ASIC2: variants seen among roughly 807,000 people sequenced by gnomAD.
The protein encoded by ASIC2 is acid sensing ion channel subunit 2, also known as acid-sensing ion channel 2.
ASIC2 carries 25 observed loss-of-function variants against 57.3 expected under a neutral mutation model. The observed-to-expected ratio is 0.44, with a 90% CI of 0.32 to 0.61. ASIC2 has a LOEUF of 0.61. Ranked by LOEUF, ASIC2 falls within the 20% of genes least tolerant of loss-of-function variation. ASIC2 has a pLI of 0.06. For synonymous variants in ASIC2, 319 were observed against 307.5 expected, an observed-to-expected ratio of 1.04 and a Z score of -0.39; for missense variants, 641 against 738.1, an observed-to-expected ratio of 0.87 and a Z score of 1.52.
At chr17:33,495,935 G>C (rs141763995) in intron 1 of ASIC2, among the ~76,000 whole-genome samples, 1 of 152,162 alleles carries the variant, frequency 6.6e-6, no homozygotes, top group Non-Finnish European at 1.5e-5. Flanking sequence ...GAAAAGCACC[G>C]ACAAAGGCCC....
intron 1 of ASIC2, among the ~76,000 whole-genome samples, chr17:34,153,583 C>T (rs114818955): frequency 0.025 from 3,808 of 152,314 alleles, 170 homozygotes; most frequent in African/African-American, 0.086. Flanking sequence ...CTAGTAAAGG[C>T]TCAGCATTGC....
intron 1 of ASIC2, among the ~76,000 whole-genome samples, chr17:33,698,468 A>G (rs1908597721): frequency 6.6e-6 from 1 of 152,202 alleles, no homozygotes; most frequent in Non-Finnish European, 1.5e-5. Flanking sequence ...TTGTTGACCA[A>G]GGTGGAAGCT....
intron 1 of ASIC2, among the ~76,000 whole-genome samples, chr17:33,992,548 G>A (rs1409449659): frequency 1.3e-5 from 2 of 151,992 alleles, no homozygotes; most frequent in East Asian, 3.9e-4. Flanking sequence ...AAGGGTGCGG[G>A]GTGAATTCAC....
intron 1 of ASIC2, among the ~76,000 whole-genome samples, chr17:33,839,512 GT>G (rs1874972861): frequency 6.6e-6 from 1 of 151,978 alleles, no homozygotes; most frequent in Non-Finnish European, 1.5e-5. Flanking sequence ...ACTCTGATAT[GT>G]AATTCTGGGG....
chr17:34,061,033 A>G (rs1019032980), intron 1 of ASIC2, among the ~76,000 whole-genome samples: 2 of 152,210 alleles, frequency 1.3e-5, no homozygotes, highest in Non-Finnish European at 2.9e-5. Context: ...ATCTTCGCCT[A>G]GGCACATTGT....
At chr17:33,608,488 A>C (rs1905293161) in intron 1 of ASIC2, among the ~76,000 whole-genome samples, 1 of 152,140 alleles carries the variant, frequency 6.6e-6, no homozygotes, top group African/African-American at 2.4e-5. Context: ...GGGTGAACTC[A>C]GTTCTGGCCA....
Position 33,878,369 on chromosome 17 carries a change from G to T in ASIC2, c.555+277609C>A, listed in dbSNP as rs2141937441. Among the ~76,000 whole-genome samples the T allele has an allele frequency of 2.0e-5, 3 of 152,224 alleles. No homozygotes were observed. In the South Asian group the frequency reaches 6.2e-4, roughly 32 times the overall value. ...AAGTTAAAAACCTTGAAAAAAATTA[G>T]ACAAATGGCTAACTGGAATAACTAA... On this transcript the variant is annotated intron_variant, in intron 1 of 9. Transcript: ENST00000359872.
intron 1 of ASIC2, among the ~76,000 whole-genome samples, chr17:33,322,458 A>G (rs572293137): frequency 3.9e-5 from 6 of 152,180 alleles, no homozygotes; most frequent in Non-Finnish European, 8.8e-5. Context: ...GCATGCTTCT[A>G]TTAAGTGCCT....
intron 1 of ASIC2, among the ~76,000 whole-genome samples, chr17:33,710,350 A>C (rs538354665): frequency 2.6e-5 from 4 of 152,176 alleles, no homozygotes; most frequent in African/African-American, 9.6e-5. Flanking sequence ...TCCCACACAC[A>C]CAAAGAAAAA....
intron 1 of ASIC2, among the ~76,000 whole-genome samples, chr17:33,743,180 T>A (rs2142099158): frequency 6.6e-6 from 1 of 152,362 alleles, no homozygotes. Flanking sequence ...GAAACTACTT[T>A]TAAAAAAATC....
rs368118476 is a variant in ASIC2, at chr17:33,075,970, C to G, written c.987+12893G>C. 1.0e-3 allele frequency among the ~76,000 whole-genome samples: 157 copies of G among 152,256 alleles called. 5 individuals are homozygous for G. In the South Asian group the frequency reaches 0.031, roughly 30 times the overall value. On this transcript the variant is annotated intron_variant, in intron 3 of 9. Transcript: ENST00000225823. ...GGAACAGTTAAAAACGGCTGTCAAT[C>G]TAATGCAACTAATCAATCCAATTCA...
At chr17:33,555,128 A>C (rs1028467068) in intron 1 of ASIC2, among the ~76,000 whole-genome samples, 4 of 152,124 alleles carry the variant, frequency 2.6e-5, no homozygotes, top group African/African-American at 7.2e-5. Context: ...CAATGGTCAG[A>C]TGTCTCAGAA....
chr17:33,255,028 CTTTTTTTTTT>C lies in ASIC2; in HGVS notation c.708+36370_708+36379del, dbSNP rs1173076413. Among the ~76,000 whole-genome samples, 5 of 73,986 alleles carry C rather than the reference CTTTTTTTTTT, an allele frequency of 6.8e-5. No homozygotes were observed. The East Asian group carries it at 1.8e-3, about 26-fold the overall frequency. 48.5% of individuals were successfully genotyped at this position (73,986 alleles called of 152,430 possible). On this transcript the variant is annotated intron_variant, in intron 1 of 9. Transcript: ENST00000225823. ...GACAAAATGCTATTTAGAAAGAAAT[CTTTTTTTTTT>C]TTTTTTTTTTTTTTTGGGACAGAGC... is the stretch of plus-strand genomic sequence containing the variant.
intron 1 of ASIC2, among the ~76,000 whole-genome samples, chr17:33,680,376 G>C (rs572197372): frequency 2.6e-5 from 4 of 152,150 alleles, no homozygotes; most frequent in African/African-American, 9.7e-5. Context: ...GGAGCTCATG[G>C]AAAGTTGGGT....
chr17:33,767,505 G>T lies in ASIC2; in HGVS notation c.555+388473C>A, dbSNP rs148589650. On this transcript the variant is annotated intron_variant, in intron 1 of 9. Coordinates refer to the ASIC2 transcript ENST00000359872. Reference sequence around the variant, plus strand: ...AAGCAGGAAATCCAAGAAACTTTCAGAAGCTGTTCATACAAGTTTTAAGAA... The same window carrying T: ...AAGCAGGAAATCCAAGAAACTTTCATAAGCTGTTCATACAAGTTTTAAGAA... Among the ~76,000 whole-genome samples, 489 of 152,336 alleles carry T rather than the reference G, an allele frequency of 3.2e-3. 4 individuals are homozygous for T. Among genetic ancestry groups the T allele is most frequent in the African/African-American group, 0.011 (472 of 41,564 alleles).
chr17:33,294,924 T>C (rs558479036), upstream of ASIC2, among the ~76,000 whole-genome samples: 28 of 152,210 alleles, frequency 1.8e-4, no homozygotes, highest in African/African-American at 6.7e-4. Flanking sequence ...AGGCTCATAC[T>C]CCAGTGCTCC....
At chr17:33,189,358 C>A (rs1335607622) in intron 1 of ASIC2, among the ~76,000 whole-genome samples, 1 of 152,002 alleles carries the variant, frequency 6.6e-6, no homozygotes, top group Non-Finnish European at 1.5e-5. Context: ...ACAACGGAAT[C>A]ATAAAAAATA....
Position 33,112,053 on chromosome 17 carries a change from A to G in ASIC2, c.723T>C (p.Tyr241=), listed in dbSNP as rs1038304211. The change falls in exon 2 of 10, where the codon TAT becomes TAC. Residue 241 remains tyrosine (Y), a synonymous_variant. Coordinates refer to ENST00000225823, the MANE Select transcript of ASIC2 (RefSeq NM_183377.2). ...PHNFSSVFTK[Y]GKCYMFNSGE... The stretch of plus-strand genomic sequence containing the variant: ...CTGAGTTAAACATGTAACACTTCCC[A>G]TATTTTGTAAACACCTGAAGGAGAG... 5 of 1,613,398 alleles carry G rather than the reference A, an allele frequency of 3.1e-6. No homozygotes were observed. The highest frequency in any genetic ancestry group is 4.5e-5 in the East Asian group (2 of 44,822).
At chr17:33,588,553 T>C (rs1256663249) in intron 1 of ASIC2, among the ~76,000 whole-genome samples, 1 of 152,242 alleles carries the variant, frequency 6.6e-6, no homozygotes, top group African/African-American at 2.4e-5. Context: ...CTAGGAGTTT[T>C]CCTGGATGCT....
Sources: allele counts gnomAD v4.1 joint callset (sites outside exome capture counted in the v4.1 genomes callset), GRCh38; gene constraint gnomAD v4.1.1; transcripts MANE v1.5; gene names NCBI Gene and HGNC (gene_info 2026-07-23, HGNC 2026-07-21).